The following CRAMP1 variants were observed in gnomAD, a reference collection of about 807,000 sequenced individuals.
CRAMP1 encodes the protein protein cramped-like.
In CRAMP1, 50 loss-of-function variants were observed where a neutral mutation model predicts 115.4. The ratio of observed to expected loss-of-function variants is 0.43; its 90% CI spans 0.35 to 0.55. CRAMP1 has a LOEUF of 0.55. Among genes scored for constraint, CRAMP1 ranks in the 20% least tolerant of loss-of-function variants. CRAMP1 has a pLI of 0.01. For synonymous variants in CRAMP1, 866 were observed against 745.4 expected (o/e 1.16, Z -2.64); for missense variants, 1,679 against 1,721.7 (o/e 0.98, Z 0.44).
At position 1,669,825 on chromosome 16, in the gene CRAMP1, G is replaced by A. The variant is rs1178501566; in HGVS notation, c.3499+660G>A. On this transcript the variant is annotated intron_variant, in intron 19 of 20. Coordinates refer to ENST00000397412, the MANE Select transcript of CRAMP1 (RefSeq NM_020825.4). This position sits in a 1 kb window ranked among gnomAD's most constrained non-coding sequence, Gnocchi z 4.6. Reference sequence around the variant, plus strand: ...CCAGGGCTTGTGGCTGGGCACATCAGGCATGGCGGGTACCATGCCTGACAG... The same window carrying A: ...CCAGGGCTTGTGGCTGGGCACATCAAGCATGGCGGGTACCATGCCTGACAG... Among the ~76,000 whole-genome samples the A allele has an allele frequency of 6.6e-6, 1 of 152,198 alleles. No homozygotes were observed. Among genetic ancestry groups the A allele is most frequent in the Non-Finnish European group, 1.5e-5 (1 of 68,022 alleles).
At chr16:1,636,799 C>G (rs1264375261) in intron 4 of CRAMP1, among the ~76,000 whole-genome samples, 2 of 152,236 alleles carry the variant, frequency 1.3e-5, no homozygotes, top group Non-Finnish European at 2.9e-5. Flanking sequence ...GCAGGCAGGA[C>G]CCAGGTGCCT....
Position 1,669,270 on chromosome 16 carries a change from G to A in CRAMP1, c.3499+105G>A. The A allele has an allele frequency of 1.1e-6, 1 of 887,792 alleles. No individual in the cohort carries two copies. The highest frequency in any genetic ancestry group is 3.5e-5 in the Admixed American group (1 of 28,396). The allele number at this position is 887,792 out of a possible 1,614,324, so 55.0% of individuals were successfully genotyped here. A position where few individuals can be genotyped will look rare whatever the true frequency, so the allele number is the denominator to read the frequency against. ...TACTCAAACTCCCACTAGGACTGTT[G>A]GCTTGTTCGCTTCTCAAGTGTTTGT... is the stretch of plus-strand genomic sequence containing the variant. On this transcript the variant is annotated intron_variant, in intron 19 of 20. Coordinates refer to ENST00000397412, the MANE Select transcript of CRAMP1 (RefSeq NM_020825.4). This position sits in a 1 kb window ranked among gnomAD's most constrained non-coding sequence, Gnocchi z 4.6.
rs1260585127 is a variant in CRAMP1 at position 1,669,838 on chromosome 16, C to T, written c.3499+673C>T. Among the ~76,000 whole-genome samples, 1 of 152,154 alleles carries T rather than the reference C, an allele frequency of 6.6e-6. No individual in the cohort carries two copies. The highest frequency in any genetic ancestry group is 1.5e-5 in the Non-Finnish European group (1 of 68,026). ...CTGGGCACATCAGGCATGGCGGGTA[C>T]CATGCCTGACAGCTCTGAACCAGTT... is the stretch of plus-strand genomic sequence containing the variant. On this transcript the variant is annotated intron_variant, in intron 19 of 20. Coordinates refer to ENST00000397412, the MANE Select transcript of CRAMP1 (RefSeq NM_020825.4). This position sits in a 1 kb window ranked among gnomAD's most constrained non-coding sequence, Gnocchi z 4.6.
intron 9 of CRAMP1, 148 bp downstream of exon 9, chr16:1,655,448 C>G: frequency 9.8e-6 from 7 of 713,012 alleles, no homozygotes; most frequent in South Asian, 9.6e-5. Context: ...GAACCATAAC[C>G]TGGAGCCCCT....
chr16:1,665,907 ACCTCTGACT>A lies in CRAMP1; in HGVS notation c.2753-161_2753-153del, dbSNP rs2036870301. On this transcript the variant is annotated intron_variant, in intron 14 of 20. Coordinates refer to ENST00000397412, the MANE Select transcript of CRAMP1 (RefSeq NM_020825.4). ...TTGTGTCACGTTGGGGGCCTGTGTG[ACCTCTGACT>A]CCTCATGTTAGCATTTGGAATGTTC... The A allele has an allele frequency of 5.0e-6, 3 of 601,946 alleles. No homozygotes were observed. The South Asian group carries it at 5.8e-5, about 12-fold the overall frequency. 37.3% of individuals were successfully genotyped at this position (601,946 alleles called of 1,614,324 possible).
chr16:1,633,143 C>A (rs2036559864), intron 4 of CRAMP1, among the ~76,000 whole-genome samples: 1 of 152,216 alleles, frequency 6.6e-6, no homozygotes, highest in Non-Finnish European at 1.5e-5. Context: ...GCCACACTGC[C>A]ACTCTTTGTG....
rs529568619 is a variant in CRAMP1 at position 1,666,354 on chromosome 16, G to A, written c.2858-68G>A. On this transcript the variant is annotated intron_variant, in intron 15 of 20. Transcript: ENST00000397412. The surrounding 1 kb of genome is among the most constrained non-coding windows in gnomAD (Gnocchi z 5.0). ...AGGTGCGAGGGAGAAGCTGTTCCCC[G>A]AGCCCTCTTGGGACATCTTATGGGT... The A allele has an allele frequency of 4.1e-6, 6 of 1,476,412 alleles. No individual in the cohort carries two copies. The highest frequency in any genetic ancestry group is 3.9e-5 in the Admixed American group (2 of 51,116). The allele number at this position is 1,476,412 out of a possible 1,614,324, so 91.5% of individuals were successfully genotyped here.
intron 13 of CRAMP1, among the ~76,000 whole-genome samples, chr16:1,663,136 A>G (rs1284377680): frequency 2.0e-5 from 3 of 152,180 alleles, no homozygotes; most frequent in Non-Finnish European, 4.4e-5. Flanking sequence ...ATTTATAAAC[A>G]TTTAGTCTGT....
At position 1,656,662 on chromosome 16, in the gene CRAMP1, A is replaced by G. The variant is rs773049732; in HGVS notation, c.1905A>G (p.Ala635=). ...LDVCTKDLAD[A]PAEELQEKGS... ...TTTGCACTAAAGACTTGGCAGATGC[A>G]CCTGCGGAGGAGCTCCAGGAGAAGG... Residue 635 remains alanine, a synonymous_variant, in exon 10 of 21, where the codon GCA becomes GCG. Transcript: ENST00000397412. The surrounding 1 kb of genome is among the most constrained non-coding windows in gnomAD (Gnocchi z 5.6). 2.5e-6 allele frequency: 4 copies of G among 1,574,386 alleles called. No individual in the cohort carries two copies. The highest frequency in any genetic ancestry group is 3.4e-6 in the Non-Finnish European group (4 of 1,161,272).
chr16:1,665,289 T>G (rs1354117980), intron 14 of CRAMP1, among the ~76,000 whole-genome samples, 151 bp downstream of exon 14: 1 of 152,222 alleles, frequency 6.6e-6, no homozygotes, highest in African/African-American at 2.4e-5. Flanking sequence ...CCCTATGTGC[T>G]GGGCTGCAGG....
chr16:1,648,001 G>T (rs965855806), intron 6 of CRAMP1, among the ~76,000 whole-genome samples: 1 of 152,058 alleles, frequency 6.6e-6, no homozygotes, highest in African/African-American at 2.4e-5. Context: ...TTTTCATCGT[G>T]TTCAGTGTCG....
At chr16:1,660,622 G>A (rs2036820383) in intron 11 of CRAMP1, among the ~76,000 whole-genome samples, 1 of 152,174 alleles carries the variant, frequency 6.6e-6, no homozygotes, top group African/African-American at 2.4e-5. Context: ...AGTTTCCCGA[G>A]GCATCAGTTT....
intron 8 of CRAMP1, among the ~76,000 whole-genome samples, chr16:1,654,691 T>G (rs994034901): frequency 6.6e-6 from 1 of 152,148 alleles, no homozygotes; most frequent in African/African-American, 2.4e-5. Context: ...CACCTCCCAG[T>G]CCGCCTTGTG....
rs1567456869 is a variant in CRAMP1 at position 1,652,988 on chromosome 16, T to C, written c.914-45T>C. On this transcript the variant is annotated intron_variant, in intron 7 of 20. Transcript: ENST00000397412. Reference sequence around the variant, plus strand: ...TGGCCCAGCCCTTGGTTTTCTACCTTAAGGTTGGGCTGCACTAAACTTTCA... The same window carrying C: ...TGGCCCAGCCCTTGGTTTTCTACCTCAAGGTTGGGCTGCACTAAACTTTCA... 2.5e-6 allele frequency: 4 copies of C among 1,611,034 alleles called. No individual in the cohort carries two copies. The East Asian group carries it at 6.7e-5, about 27-fold the overall frequency.
intron 2 of CRAMP1, among the ~76,000 whole-genome samples, chr16:1,619,045 T>C (rs757976297): frequency 6.6e-6 from 1 of 152,240 alleles, no homozygotes; most frequent in South Asian, 2.1e-4. Flanking sequence ...TTGTATCTTA[T>C]TGTGGCTTAT....
intron 2 of CRAMP1, among the ~76,000 whole-genome samples, chr16:1,624,903 T>A (rs2036496493): frequency 1.3e-5 from 2 of 151,962 alleles, no homozygotes; most frequent in South Asian, 4.2e-4. Flanking sequence ...ATTTTTATAT[T>A]TTTAGTGGAG....
intron 3 of CRAMP1, among the ~76,000 whole-genome samples, chr16:1,627,597 C>A (rs572149831): frequency 6.6e-6 from 1 of 152,320 alleles, no homozygotes; most frequent in East Asian, 1.9e-4. Flanking sequence ...GGGTCGCTCC[C>A]GCCCTGGGCT....
intron 20 of CRAMP1, among the ~76,000 whole-genome samples, chr16:1,673,514 C>T (rs1249179323): frequency 2.1e-5 from 3 of 145,954 alleles, no homozygotes; most frequent in African/African-American, 8.4e-5. Context: ...TCCCGGCACT[C>T]TCTGTCCCCT....
intron 10 of CRAMP1, among the ~76,000 whole-genome samples, chr16:1,659,421 T>C (rs2036804262): frequency 6.6e-6 from 1 of 152,046 alleles, no homozygotes; most frequent in Non-Finnish European, 1.5e-5. Context: ...GACGGAATCT[T>C]GCTCTGTAGT....
Sources: allele counts gnomAD v4.1 joint callset (sites outside exome capture counted in the v4.1 genomes callset), GRCh38; gene constraint gnomAD v4.1.1; non-coding constraint Gnocchi (gnomAD v3.1); transcripts MANE v1.5; gene names NCBI Gene and HGNC (gene_info 2026-07-23, HGNC 2026-07-21).